ADGRL3: variants seen among roughly 807,000 people sequenced by gnomAD.
The protein encoded by ADGRL3 is calcium-independent alpha-latrotoxin receptor 3.
Under a neutral mutation model 153.5 loss-of-function variants are expected in ADGRL3, and 62 were observed. That is an observed-to-expected ratio of 0.40 (90% confidence interval 0.33 to 0.50). ADGRL3 has a LOEUF of 0.50. ADGRL3 is among the 20% of genes least tolerant of loss of function. The pLI, the probability that ADGRL3 is intolerant of heterozygous loss-of-function variation, is 0.47. For missense variants in ADGRL3, 1,641 were observed against 1,859.4 expected, an observed-to-expected ratio of 0.88 and a Z score of 2.16; for synonymous variants, 710 against 672.5, an observed-to-expected ratio of 1.06 and a Z score of -0.86.
At chr4:61,811,058 G>A (rs2097610532) in intron 8 of ADGRL3, among the ~76,000 whole-genome samples, 1 of 152,102 alleles carries the variant, frequency 6.6e-6, no homozygotes, top group African/African-American at 2.4e-5. Context: ...AGATAGTACA[G>A]CCTCTTCGGA....
intron 6 of ADGRL3, among the ~76,000 whole-genome samples, chr4:61,702,295 T>C (rs1284811821): frequency 6.6e-6 from 1 of 152,192 alleles, no homozygotes; most frequent in Non-Finnish European, 1.5e-5. Context: ...ATACTTTGGT[T>C]CTTTCCAAGG....
intron 8 of ADGRL3, among the ~76,000 whole-genome samples, chr4:61,738,811 C>T (rs2096549400): frequency 6.6e-6 from 1 of 152,032 alleles, no homozygotes; most frequent in Non-Finnish European, 1.5e-5. Context: ...TCAACAATAG[C>T]TATGTTAAGA....
intron 8 of ADGRL3, among the ~76,000 whole-genome samples, chr4:61,740,368 CT>C (rs2096567990): frequency 6.6e-6 from 1 of 152,122 alleles, no homozygotes; most frequent in South Asian, 2.1e-4. Flanking sequence ...ATGTTCTATC[CT>C]GATACAGCTG....
intron 1 of ADGRL3, among the ~76,000 whole-genome samples, chr4:61,264,189 G>A (rs950964734): frequency 2.6e-5 from 4 of 151,890 alleles, no homozygotes; most frequent in East Asian, 1.9e-4. Flanking sequence ...CTCTGATTTC[G>A]TTCAATTAAG....
intron 4 of ADGRL3, among the ~76,000 whole-genome samples, chr4:61,536,247 A>G (rs973596536): frequency 6.6e-6 from 1 of 151,998 alleles, no homozygotes; most frequent in Non-Finnish European, 1.5e-5. Flanking sequence ...CTAAGATGAT[A>G]CTTGATATTA....
intron 8 of ADGRL3, among the ~76,000 whole-genome samples, chr4:61,792,547 T>C (rs2097356267): frequency 6.6e-6 from 1 of 151,560 alleles, no homozygotes; most frequent in Non-Finnish European, 1.5e-5. Flanking sequence ...TAGAGTGCAG[T>C]GGCATGATCT....
At chr4:61,889,403 T>C (rs2098557091) in intron 9 of ADGRL3, among the ~76,000 whole-genome samples, 1 of 152,194 alleles carries the variant, frequency 6.6e-6, no homozygotes, top group African/African-American at 2.4e-5. Flanking sequence ...GGAAGCATTA[T>C]AATGAGTTGG....
At chr4:61,431,887 T>A (rs955750596) in intron 2 of ADGRL3, among the ~76,000 whole-genome samples, 1 of 152,204 alleles carries the variant, frequency 6.6e-6, no homozygotes, top group Non-Finnish European at 1.5e-5. Flanking sequence ...TATCTCTGCT[T>A]TTCTTTCTTC....
At chr4:61,343,327 A>G (rs1325845637) in intron 1 of ADGRL3, among the ~76,000 whole-genome samples, 4 of 152,162 alleles carry the variant, frequency 2.6e-5, no homozygotes, top group Non-Finnish European at 5.9e-5. Context: ...TCATAATGTC[A>G]ATATTGTCAA....
chr4:61,969,185 C>G (rs1439435608), intron 17 of ADGRL3, among the ~76,000 whole-genome samples: 1 of 152,132 alleles, frequency 6.6e-6, no homozygotes, highest in Non-Finnish European at 1.5e-5. Flanking sequence ...TAACTGTACT[C>G]AGGTGTGTTG....
At chr4:61,210,313 G>A (rs1739331878) in intron 1 of ADGRL3, among the ~76,000 whole-genome samples, 1 of 152,086 alleles carries the variant, frequency 6.6e-6, no homozygotes, top group Non-Finnish European at 1.5e-5. Flanking sequence ...CCTCCTGTTT[G>A]ATCAGCTTGT....
chr4:61,487,082 A>C (rs1210211559), intron 2 of ADGRL3, among the ~76,000 whole-genome samples: 1 of 152,180 alleles, frequency 6.6e-6, no homozygotes. Context: ...TTCAACCTAC[A>C]AGTTAAAGAC....
At chr4:61,814,596 G>A (rs888642530) in intron 9 of ADGRL3, among the ~76,000 whole-genome samples, 1 of 151,858 alleles carries the variant, frequency 6.6e-6, no homozygotes, top group African/African-American at 2.4e-5. Flanking sequence ...TTAACTTTTT[G>A]GTTTTGAGTA....
chr4:61,848,826 T>A (rs976894495), intron 9 of ADGRL3, among the ~76,000 whole-genome samples: 1 of 152,166 alleles, frequency 6.6e-6, no homozygotes, highest in Admixed American at 6.6e-5. Context: ...GAGGTTCTCC[T>A]GTGTATAAAT....
chr4:61,836,767 T>A (rs1366046125), intron 9 of ADGRL3, among the ~76,000 whole-genome samples: 1 of 152,224 alleles, frequency 6.6e-6, no homozygotes, highest in East Asian at 1.9e-4. Flanking sequence ...TAGGAAAAAA[T>A]TGATAAATGG....
intron 1 of ADGRL3, among the ~76,000 whole-genome samples, chr4:61,254,929 C>T (rs541910398): frequency 7.9e-5 from 12 of 152,180 alleles, no homozygotes; most frequent in African/African-American, 2.9e-4. Flanking sequence ...ACCACAGCAC[C>T]AATGGCTTCC....
intron 1 of ADGRL3, among the ~76,000 whole-genome samples, chr4:61,292,551 C>T (rs2094259558): frequency 6.6e-6 from 1 of 152,112 alleles, no homozygotes; most frequent in South Asian, 2.1e-4. Context: ...ATAATTTGGA[C>T]TTTAACTTGC....
At chr4:61,313,766 G>A (rs1409776183) in intron 1 of ADGRL3, among the ~76,000 whole-genome samples, 2 of 152,136 alleles carry the variant, frequency 1.3e-5, no homozygotes, top group Non-Finnish European at 2.9e-5. Flanking sequence ...TTAATAAAAA[G>A]AAGTACGGTG....
At chr4:61,464,561 A>G (rs1053530105) in intron 2 of ADGRL3, among the ~76,000 whole-genome samples, 1 of 152,208 alleles carries the variant, frequency 6.6e-6, no homozygotes, top group Non-Finnish European at 1.5e-5. Context: ...TTTTTTAATT[A>G]AAGTTTGAAA....
Sources: allele counts gnomAD v4.1 joint callset (sites outside exome capture counted in the v4.1 genomes callset), GRCh38; gene constraint gnomAD v4.1.1; transcripts MANE v1.5; gene names NCBI Gene and HGNC (gene_info 2026-07-23, HGNC 2026-07-21).